The following FHOD3 variants were observed in gnomAD, a reference collection of about 807,000 sequenced individuals.
FHOD3 encodes the protein formin homology 2 domain containing 3, also known as FH1/FH2 domain-containing protein 3.
Under a neutral mutation model 173.0 loss-of-function variants are expected in FHOD3, and 90 were observed. That is an observed-to-expected ratio of 0.52 (90% confidence interval 0.44 to 0.62). The LOEUF is 0.62. Among genes scored for constraint, FHOD3 ranks in the 20% least tolerant of loss-of-function variants. The pLI, the probability that FHOD3 is intolerant of heterozygous loss-of-function variation, is 0.00. For synonymous variants in FHOD3, 828 were observed against 823.0 expected (o/e 1.01, Z -0.10); for missense variants, 1,945 against 2,034.7 (o/e 0.96, Z 0.85).
chr18:36,709,357 G>A lies in FHOD3; in HGVS notation c.2499G>A (p.Glu833=). Reference sequence around the variant, plus strand: ...CCAGCAGCACGTTGGAGAGGGAGGAGAAGGAGGACAAGCTCTCCAGGGACA... The same window carrying A: ...CCAGCAGCACGTTGGAGAGGGAGGAAAAGGAGGACAAGCTCTCCAGGGACA... ...SSSSSTLERE[E]KEDKLSRDRT... Residue 833 remains glutamate, a synonymous_variant, in exon 18 of 29, where the codon GAG becomes GAA. Transcript: ENST00000590592. The A allele has an allele frequency of 6.2e-7, 1 of 1,614,144 alleles. No homozygotes were observed. Among genetic ancestry groups the A allele is most frequent in the South Asian group, 1.1e-5 (1 of 91,086 alleles).
chr18:36,350,411 A>G (rs1371164842), intron 1 of FHOD3, among the ~76,000 whole-genome samples: 1 of 152,076 alleles, frequency 6.6e-6, no homozygotes, highest in Non-Finnish European at 1.5e-5. Flanking sequence ...AATTTCCTTA[A>G]TCGCTGTACT....
At chr18:36,727,338 G>A (rs1363535034) in intron 19 of FHOD3, among the ~76,000 whole-genome samples, 1 of 152,098 alleles carries the variant, frequency 6.6e-6, no homozygotes, top group African/African-American at 2.4e-5. Context: ...TTAGATTATT[G>A]TCAGAGGGAA....
intron 17 of FHOD3, among the ~76,000 whole-genome samples, chr18:36,698,918 C>A (rs1048362140): frequency 2.0e-5 from 3 of 152,116 alleles, no homozygotes; most frequent in Non-Finnish European, 4.4e-5. Context: ...GAACCCTGAG[C>A]CTTGGGGACC....
intron 2 of FHOD3, among the ~76,000 whole-genome samples, chr18:36,367,782 TGTG>T (rs898681203): frequency 4.6e-5 from 7 of 152,170 alleles, no homozygotes; most frequent in Admixed American, 3.3e-4. Flanking sequence ...GATCGTCAGG[TGTG>T]GAGGGAGGGA....
intron 3 of FHOD3, among the ~76,000 whole-genome samples, chr18:36,495,334 G>A (rs370825650): frequency 3.9e-5 from 6 of 152,206 alleles, no homozygotes; most frequent in African/African-American, 1.4e-4. Flanking sequence ...CTGATTTAGA[G>A]CTTTCCACCT....
At chr18:36,545,832 G>A (rs567387345) in intron 5 of FHOD3, among the ~76,000 whole-genome samples, 204 of 152,218 alleles carry the variant, frequency 1.3e-3, no homozygotes, top group African/African-American at 4.6e-3. Flanking sequence ...AAAACCTTAC[G>A]TATCTCTTGG....
intron 2 of FHOD3, among the ~76,000 whole-genome samples, chr18:36,362,074 A>G (rs936132802): frequency 6.6e-6 from 1 of 152,244 alleles, no homozygotes; most frequent in Non-Finnish European, 1.5e-5. Context: ...TCAGGTAGGT[A>G]TGTGGGTTGG....
At chr18:36,651,401 C>G (rs2036039357) in intron 11 of FHOD3, among the ~76,000 whole-genome samples, 1 of 152,140 alleles carries the variant, frequency 6.6e-6, no homozygotes, top group Non-Finnish European at 1.5e-5. Context: ...CTAAACCCAG[C>G]CCCCTGAAGA....
chr18:36,367,459 C>T (rs750238121), intron 2 of FHOD3, among the ~76,000 whole-genome samples: 1 of 152,118 alleles, frequency 6.6e-6, no homozygotes, highest in Non-Finnish European at 1.5e-5. Flanking sequence ...CAAGCTGAGC[C>T]GCGTTGCCTT....
At chr18:36,690,869 T>C (rs1463094201) in intron 16 of FHOD3, among the ~76,000 whole-genome samples, 2 of 152,216 alleles carry the variant, frequency 1.3e-5, no homozygotes, top group Non-Finnish European at 2.9e-5. Flanking sequence ...TCTCATCTTA[T>C]AAAACTGAAC....
chr18:36,429,392 T>C (rs2050412667), intron 3 of FHOD3, among the ~76,000 whole-genome samples: 1 of 152,140 alleles, frequency 6.6e-6, no homozygotes, highest in Non-Finnish European at 1.5e-5. Context: ...GCAATGGGTG[T>C]AGAAAACACC....
intron 1 of FHOD3, among the ~76,000 whole-genome samples, chr18:36,352,861 G>A (rs1351387152): frequency 1.3e-5 from 2 of 152,314 alleles, no homozygotes; most frequent in African/African-American, 4.8e-5. Context: ...AACAGCAGTA[G>A]AAATTAAAGC....
intron 5 of FHOD3, among the ~76,000 whole-genome samples, chr18:36,565,361 T>C (rs1220508038): frequency 6.6e-6 from 1 of 152,188 alleles, no homozygotes; most frequent in Non-Finnish European, 1.5e-5. Flanking sequence ...TTGTTTTGTT[T>C]TTCTCTCTGG....
chr18:36,658,019 A>G, intron 13 of FHOD3, 56 bp from the exon 14 acceptor site: 1 of 1,291,564 alleles, frequency 7.7e-7, no homozygotes, highest in Non-Finnish European at 1.1e-6. Context: ...TTATTTACTG[A>G]CTTGTACTTA....
At chr18:36,773,611 C>T (rs1266845391) in intron 28 of FHOD3, among the ~76,000 whole-genome samples, 8 of 152,132 alleles carry the variant, frequency 5.3e-5, no homozygotes, top group East Asian at 3.9e-4. Context: ...TGGGGTTAAG[C>T]GAGGCATCTA....
At chr18:36,745,167 T>A (rs1568716857) in intron 23 of FHOD3, among the ~76,000 whole-genome samples, 1 of 152,122 alleles carries the variant, frequency 6.6e-6, no homozygotes, top group Non-Finnish European at 1.5e-5. Flanking sequence ...GGGGACCTGG[T>A]GGCCGAGAGC....
intron 28 of FHOD3, among the ~76,000 whole-genome samples, chr18:36,775,441 C>T (rs1369552248): frequency 6.6e-6 from 1 of 152,136 alleles, no homozygotes; most frequent in African/African-American, 2.4e-5. Context: ...AAAGTCGGCT[C>T]AAACCCTTCT....
At chr18:36,673,828 C>G (rs2037684298) in intron 14 of FHOD3, among the ~76,000 whole-genome samples, 1 of 152,080 alleles carries the variant, frequency 6.6e-6, no homozygotes, top group Non-Finnish European at 1.5e-5. Flanking sequence ...CTCTGAGATA[C>G]ATATGTCAGA....
intron 5 of FHOD3, among the ~76,000 whole-genome samples, chr18:36,557,306 C>T (rs1017849983): frequency 1.4e-4 from 21 of 151,798 alleles, no homozygotes; most frequent in African/African-American, 4.8e-4. Context: ...CTACGTTTAC[C>T]GATGCTATTT....
Sources: allele counts gnomAD v4.1 joint callset (sites outside exome capture counted in the v4.1 genomes callset), GRCh38; gene constraint gnomAD v4.1.1; transcripts MANE v1.5; gene names NCBI Gene and HGNC (gene_info 2026-07-23, HGNC 2026-07-21).